TENM4: variants seen among roughly 807,000 people sequenced by gnomAD.
TENM4 encodes the protein teneurin-4.
A neutral mutation model predicts 243.3 loss-of-function variants in TENM4; 82 were observed. That is an observed-to-expected ratio of 0.34 (90% CI 0.28 to 0.40). TENM4 has a LOEUF of 0.40. Ranked by LOEUF, TENM4 falls within the 10% of genes least tolerant of loss-of-function variation. TENM4 has a pLI of 1.00. For missense variants in TENM4, 3,138 were observed against 3,673.3 expected (o/e 0.85, Z 3.77); for synonymous variants, 1,412 against 1,456.3 (o/e 0.97, Z 0.69).
chr11:79,304,908 A>G lies in TENM4; in HGVS notation c.-320-7365T>C, dbSNP rs564303007. ...TTTTCTTATTTACCTAAAAACATGGAAAGTCTAAGAACAATCTAAGAGGTT... is the reference window on the plus strand; with the variant it reads ...TTTTCTTATTTACCTAAAAACATGGGAAGTCTAAGAACAATCTAAGAGGTT... On this transcript the variant is annotated intron_variant, in intron 1 of 33. Transcript: ENST00000278550. Among the ~76,000 whole-genome samples, 6 of 152,342 alleles carry G rather than the reference A, an allele frequency of 3.9e-5. No homozygotes were observed. The South Asian group carries it at 1.2e-3, about 32-fold the overall frequency.
At chr11:78,793,732 T>C (rs1857106650) in intron 15 of TENM4, among the ~76,000 whole-genome samples, 1 of 152,260 alleles carries the variant, frequency 6.6e-6, no homozygotes, top group African/African-American at 2.4e-5. Context: ...TCAATAGTCC[T>C]GCAATGATGC....
At chr11:79,158,361 G>T (rs1194301926) in intron 3 of TENM4, among the ~76,000 whole-genome samples, 1 of 152,130 alleles carries the variant, frequency 6.6e-6, no homozygotes, top group Non-Finnish European at 1.5e-5. Context: ...ACACAGGCAA[G>T]ACCCTGCCTT....
chr11:79,097,812 TATTAACATTTTGCTTTTTTTTTTTAAA>T (rs1402319994), intron 4 of TENM4: 3 of 150,910 alleles, frequency 2.0e-5, no homozygotes, highest in African/African-American at 4.9e-5. Flanking sequence ...ACTGAGTTTA[TATTAACATTTTGCTTTTTTTTTTTAAA>T]AAAAAAGAAA....
chr11:79,054,994 G>C (rs1164659649), intron 6 of TENM4, among the ~76,000 whole-genome samples: 1 of 151,836 alleles, frequency 6.6e-6, no homozygotes, highest in African/African-American at 2.4e-5. Flanking sequence ...CAGGCGTGGT[G>C]GCAGAACCTG....
At chr11:79,409,781 C>T (rs959385363) in intron 1 of TENM4, among the ~76,000 whole-genome samples, 2 of 152,198 alleles carry the variant, frequency 1.3e-5, no homozygotes, top group African/African-American at 4.8e-5. Context: ...GGTGGAGGCT[C>T]CACAACCAAT....
Position 78,862,965 on chromosome 11 carries a change from C to G in TENM4, c.1252G>C (p.Glu418Gln). The change falls in exon 10 of 34, where the codon GAA (glutamate) becomes CAA (glutamine). Residue 418 changes from glutamate to glutamine, a missense_variant. Around this residue, in one of 2 missense-constraint regions of TENM4, gnomAD observed 671 missense variants for 614.1 expected, o/e 1.09. Transcript: ENST00000278550. ...TPDRKGKGTTEGKPSSFFPED... is the reference protein window; with the variant it reads ...TPDRKGKGTTQGKPSSFFPED... ...ACGGACAACGCAGCAACCCTACCTT[C>G]TGTGGTTCCTTTGCCTTTCCTGTCA... 6.8e-7 allele frequency: 1 copy of G among 1,461,120 alleles called. No homozygotes were observed. The highest frequency in any genetic ancestry group is 9.2e-7 in the Non-Finnish European group (1 of 1,087,060). The allele number at this position is 1,461,120 out of a possible 1,614,324, so 90.5% of individuals were successfully genotyped here.
At chr11:79,252,335 C>T (rs527754436) in intron 2 of TENM4, among the ~76,000 whole-genome samples, 5 of 152,326 alleles carry the variant, frequency 3.3e-5, no homozygotes, top group African/African-American at 2.4e-5. Flanking sequence ...CCCGCGTTCA[C>T]GCCATTCTCC....
rs1591103424 is a variant in TENM4 at position 78,889,969 on chromosome 11, T to C, written c.900A>G (p.Ser300=). The change falls in exon 9 of 34, where the codon TCA becomes TCG. Residue 300 remains serine (S), a synonymous_variant. Transcript: ENST00000278550. The stretch of plus-strand genomic sequence containing the variant: ...TGCTGGACGTCAGTGGGTACCCTGG[T>C]GATGTGGTGCAGAAGAGCGGGGAGG... The part of the protein sequence containing the change: ...GGTSPLFCTT[S]PGYPLTSSTV... 6.5e-7 allele frequency: 1 copy of C among 1,550,056 alleles called. No homozygotes were observed. Among genetic ancestry groups the C allele is most frequent in the Non-Finnish European group, 8.7e-7 (1 of 1,146,446 alleles).
Position 78,756,699 on chromosome 11 carries a change from C to G in TENM4, c.2756+106G>C, listed in dbSNP as rs978706943. On this transcript the variant is annotated intron_variant, in intron 19 of 33. Coordinates refer to ENST00000278550, the MANE Select transcript of TENM4 (RefSeq NM_001098816.3). The stretch of plus-strand genomic sequence containing the variant: ...CATTCCATCAGGAACCATGGATGCT[C>G]TCACGTTCCTGGCTTCCTCCCACCC... 42 of 1,085,902 alleles carry G rather than the reference C, an allele frequency of 3.9e-5. No homozygotes were observed. The African/African-American group carries it at 5.7e-4, about 15-fold the overall frequency. 67.3% of individuals were successfully genotyped at this position (1,085,902 alleles called of 1,614,324 possible). A position where few individuals can be genotyped will look rare whatever the true frequency, so the allele number is the denominator to read the frequency against.
At chr11:79,113,093 G>A (rs1413766883) in intron 4 of TENM4, among the ~76,000 whole-genome samples, 1 of 152,184 alleles carries the variant, frequency 6.6e-6, no homozygotes, top group Non-Finnish European at 1.5e-5. Flanking sequence ...AGATGGTAAT[G>A]AAACACACTT....
chr11:79,229,704 G>T lies in TENM4; in HGVS notation c.-264-13795C>A, dbSNP rs143703635. Among the ~76,000 whole-genome samples the T allele has an allele frequency of 7.9e-3, 1,206 of 152,322 alleles. 7 individuals are homozygous for T. The highest frequency in any genetic ancestry group is 0.024 in the Middle Eastern group (7 of 294). On this transcript the variant is annotated intron_variant, in intron 2 of 33. Coordinates refer to ENST00000278550, the MANE Select transcript of TENM4 (RefSeq NM_001098816.3). Reference sequence around the variant, plus strand: ...ATTGTTTGTCTCCTCTGCCAGAATAGAAGCCTCATGACATTGGTCTGTTTT... The same window carrying T: ...ATTGTTTGTCTCCTCTGCCAGAATATAAGCCTCATGACATTGGTCTGTTTT...
intron 17 of TENM4, among the ~76,000 whole-genome samples, 184 bp downstream of exon 17, chr11:78,778,418 C>T (rs1366820502): frequency 2.0e-5 from 3 of 152,174 alleles, no homozygotes; most frequent in Non-Finnish European, 4.4e-5. Context: ...ATATCAACCA[C>T]CTTGTGACCG....
At chr11:79,386,274 G>A (rs946832218) in intron 1 of TENM4, among the ~76,000 whole-genome samples, 1 of 152,098 alleles carries the variant, frequency 6.6e-6, no homozygotes, top group Non-Finnish European at 1.5e-5. Context: ...TTCCAAATGG[G>A]CCACAAACCT....
chr11:78,670,595 G>A, intron 31 of TENM4, 44 bp from the exon 32 acceptor site: 1 of 1,553,612 alleles, frequency 6.4e-7, no homozygotes, highest in Non-Finnish European at 8.7e-7. Flanking sequence ...GGGTGGTGAG[G>A]AGAAAGGGTA....
Position 79,166,961 on chromosome 11 carries a change from G to C in TENM4, c.-162-18155C>G, listed in dbSNP as rs141255721. ...AGAACATAAAGCAGGGGAGTGGAGG[G>C]TGGGCTATAGTTTCAGAAATGAGGC... On this transcript the variant is annotated intron_variant, in intron 3 of 33. Transcript: ENST00000278550. 8.1e-3 allele frequency among the ~76,000 whole-genome samples: 1,241 copies of C among 152,324 alleles called. 7 individuals carry two copies. The highest frequency in any genetic ancestry group is 0.013 in the Non-Finnish European group (887 of 68,036).
chr11:79,093,883 C>T (rs1464085054), intron 4 of TENM4: 1 of 152,236 alleles, frequency 6.6e-6, no homozygotes, highest in Non-Finnish European at 1.5e-5. Flanking sequence ...CTTCACATCC[C>T]ATCTTTACGG....
rs1565324218 is a variant in TENM4, at chr11:78,670,215, T to C, written c.6130A>G (p.Ile2044Val). ...GTGAAGCCCTCATTCTGTAGGTTGA[T>C]GGTCTTCAGCATGCCTGCCGTCTCG... ...YDETAGMLKT[I>V]NLQNEGFTCT... is the part of the protein sequence containing the mutation. Residue 2044 changes from isoleucine to valine, a missense_variant, in exon 32 of 34, where the codon ATC becomes GTC. By Grantham distance (29) the Ile-to-Val change is conservative. Coordinates refer to ENST00000278550, the MANE Select transcript of TENM4 (RefSeq NM_001098816.3). 1 of 1,613,966 alleles carries C rather than the reference T, an allele frequency of 6.2e-7. No individual in the cohort carries two copies. The highest frequency in any genetic ancestry group is 2.2e-5 in the East Asian group (1 of 44,874).
intron 3 of TENM4, among the ~76,000 whole-genome samples, chr11:79,189,429 C>T (rs906526399): frequency 2.0e-5 from 3 of 152,212 alleles, no homozygotes; most frequent in Non-Finnish European, 4.4e-5. Flanking sequence ...GAGTATGCTT[C>T]CTAAGAGTAG....
intron 4 of TENM4, among the ~76,000 whole-genome samples, chr11:79,111,571 A>G (rs1264143807): frequency 6.6e-6 from 1 of 152,160 alleles, no homozygotes; most frequent in African/African-American, 2.4e-5. Flanking sequence ...ACAACGACAA[A>G]AAAACAAAAA....
Sources: allele counts gnomAD v4.1 joint callset (sites outside exome capture counted in the v4.1 genomes callset), GRCh38; gene constraint gnomAD v4.1.1; regional missense constraint gnomAD v4.1.1; transcripts MANE v1.5; gene names NCBI Gene and HGNC (gene_info 2026-07-23, HGNC 2026-07-21).